The following PTPRR variants were observed in gnomAD, a reference collection of about 807,000 sequenced individuals.
The protein encoded by PTPRR is protein tyrosine phosphatase receptor type R.
In PTPRR, 38 loss-of-function variants were observed where a neutral mutation model predicts 77.2. The observed-to-expected ratio is 0.49, with a 90% CI of 0.38 to 0.65. The LOEUF is 0.65. PTPRR is among the 30% of genes least tolerant of loss of function. The pLI is 0.00. For missense variants in PTPRR, 744 were observed against 799.2 expected, an observed-to-expected ratio of 0.93 and a Z score of 0.83; for synonymous variants, 299 against 283.1, an observed-to-expected ratio of 1.06 and a Z score of -0.57.
At chr12:70,877,577 C>T (rs765101080) in intron 2 of PTPRR, among the ~76,000 whole-genome samples, 93 of 152,058 alleles carry the variant, frequency 6.1e-4, no homozygotes, top group African/African-American at 1.6e-3. Flanking sequence ...AACTACAAAC[C>T]ACTGCTGAAT....
At chr12:70,841,022 C>T (rs1338901991) in intron 2 of PTPRR, among the ~76,000 whole-genome samples, 1 of 146,598 alleles carries the variant, frequency 6.8e-6, no homozygotes, top group Non-Finnish European at 1.5e-5. Flanking sequence ...ATAAAACAGC[C>T]CTGCAACCAA....
chr12:70,643,527 G>C (rs1318086189), intron 13 of PTPRR, among the ~76,000 whole-genome samples: 1 of 152,058 alleles, frequency 6.6e-6, no homozygotes, highest in Non-Finnish European at 1.5e-5. Context: ...CACCTAAGAA[G>C]CTAGTACAGT....
Position 70,666,170 on chromosome 12 carries a change from C to T in PTPRR, c.1498-3565G>A, listed in dbSNP as rs145392707. 2.2e-3 allele frequency among the ~76,000 whole-genome samples: 335 copies of T among 152,022 alleles called. 3 individuals carry two copies. Among genetic ancestry groups the T allele is most frequent in the Middle Eastern group, 3.4e-3 (1 of 294 alleles). On this transcript the variant is annotated intron_variant, in intron 10 of 13. Coordinates refer to ENST00000283228, the MANE Select transcript of PTPRR (RefSeq NM_002849.4). ...TTTTTCAGATGAGGACATGAAGGCT[C>T]AGGTGTTTTGGTAGGGGAAAATTGC...
chr12:70,906,547 C>G (rs535462957), intron 1 of PTPRR, among the ~76,000 whole-genome samples: 42 of 151,932 alleles, frequency 2.8e-4, no homozygotes, highest in Non-Finnish European at 5.3e-4. Flanking sequence ...TAACACTAAA[C>G]CCCACTGATA....
At chr12:70,751,506 T>C (rs1890396858) in intron 5 of PTPRR, among the ~76,000 whole-genome samples, 1 of 152,142 alleles carries the variant, frequency 6.6e-6, no homozygotes, top group African/African-American at 2.4e-5. Context: ...TAAAACATTC[T>C]TCCCCTAGAG....
intron 13 of PTPRR, among the ~76,000 whole-genome samples, chr12:70,652,361 G>T (rs1367503413): frequency 6.6e-6 from 1 of 152,152 alleles, no homozygotes; most frequent in South Asian, 2.1e-4. Flanking sequence ...TTTCTGTTCT[G>T]CTTTTCATAA....
chr12:70,740,435 C>T lies in PTPRR; in HGVS notation c.1007+5383G>A, dbSNP rs1302023301. Among the ~76,000 whole-genome samples the T allele has an allele frequency of 3.3e-5, 5 of 151,796 alleles. No homozygotes were observed. The South Asian group carries it at 1.0e-3, about 32-fold the overall frequency. On this transcript the variant is annotated intron_variant, in intron 6 of 13. Coordinates refer to ENST00000283228, the MANE Select transcript of PTPRR (RefSeq NM_002849.4). ...TCACCCAGGCTGGAATGCAGTGGCA[C>T]AATCTCAGTTCACTGCAACCTCTGC...
intron 5 of PTPRR, 79 bp from the exon 6 acceptor site, chr12:70,746,165 GC>G (rs1227623838): frequency 6.4e-5 from 85 of 1,336,416 alleles, no homozygotes; most frequent in Non-Finnish European, 8.2e-5. Flanking sequence ...CCCCACCCTG[GC>G]CGACAAACCA....
intron 2 of PTPRR, among the ~76,000 whole-genome samples, chr12:70,868,113 C>T (rs562788574): frequency 3.3e-5 from 5 of 152,106 alleles, no homozygotes; most frequent in African/African-American, 9.6e-5. Context: ...ATACCATTCA[C>T]GACATAGGCA....
chr12:70,655,331 T>C (rs1246977161), intron 13 of PTPRR, among the ~76,000 whole-genome samples: 1 of 152,184 alleles, frequency 6.6e-6, no homozygotes, highest in Non-Finnish European at 1.5e-5. Flanking sequence ...GAAAATACTA[T>C]GATGGTTTTC....
chr12:70,692,494 C>G (rs1272008872), intron 8 of PTPRR, among the ~76,000 whole-genome samples: 1 of 152,092 alleles, frequency 6.6e-6, no homozygotes, highest in Non-Finnish European at 1.5e-5. Context: ...CTTGACAGTG[C>G]AGGCCTAGAA....
intron 4 of PTPRR, among the ~76,000 whole-genome samples, chr12:70,757,692 G>A (rs1379167550): frequency 6.6e-6 from 1 of 152,076 alleles, no homozygotes; most frequent in African/African-American, 2.4e-5. Flanking sequence ...GTAAGTTTAG[G>A]AATAGATGCT....
chr12:70,659,890 C>T (rs1219172343), intron 12 of PTPRR, among the ~76,000 whole-genome samples: 1 of 151,894 alleles, frequency 6.6e-6, no homozygotes, highest in Non-Finnish European at 1.5e-5. Flanking sequence ...GAATAAATGG[C>T]TGGCTGGGCA....
At chr12:70,898,891 A>C (rs772741004) in intron 1 of PTPRR, among the ~76,000 whole-genome samples, 1 of 151,484 alleles carries the variant, frequency 6.6e-6, no homozygotes, top group Non-Finnish European at 1.5e-5. Flanking sequence ...AAATGAAAGG[A>C]GGGATATCAT....
At chr12:70,735,739 CTCTAAG>C (rs934009315) in intron 6 of PTPRR, among the ~76,000 whole-genome samples, 1 of 152,176 alleles carries the variant, frequency 6.6e-6, no homozygotes, top group African/African-American at 2.4e-5. Flanking sequence ...TTACTTATCT[CTCTAAG>C]TCTCTCTGTT....
intron 2 of PTPRR, among the ~76,000 whole-genome samples, chr12:70,812,052 G>A (rs1891817780): frequency 1.3e-5 from 2 of 152,204 alleles, no homozygotes; most frequent in Admixed American, 1.3e-4. Context: ...GGTAGGGATT[G>A]TCAAAGTGAT....
chr12:70,778,336 TATCTTTA>T (rs1891133454), intron 2 of PTPRR, among the ~76,000 whole-genome samples: 1 of 152,202 alleles, frequency 6.6e-6, no homozygotes, highest in Admixed American at 6.5e-5. Flanking sequence ...TAGAAGTCTT[TATCTTTA>T]AAGTTAGAAA....
At chr12:70,910,500 C>T (rs368262293) in intron 1 of PTPRR, among the ~76,000 whole-genome samples, 5 of 152,142 alleles carry the variant, frequency 3.3e-5, no homozygotes, top group African/African-American at 1.2e-4. Flanking sequence ...TTATCTCCTT[C>T]CTGTCTTAAA....
At chr12:70,775,012 C>T (rs1891059529) in intron 2 of PTPRR, among the ~76,000 whole-genome samples, 1 of 152,122 alleles carries the variant, frequency 6.6e-6, no homozygotes, top group Admixed American at 6.6e-5. Context: ...TGTTTGGATG[C>T]TAAACCCATT....
Sources: gnomAD v4.1 joint callset for allele counts (sites outside exome capture counted in the v4.1 genomes callset) on GRCh38, gnomAD v4.1.1 for gene constraint, MANE v1.5 for transcripts, NCBI Gene and HGNC (gene_info 2026-07-23, HGNC 2026-07-21) for gene names.